Variants in CLSTN2 observed in about 807,000 individuals in gnomAD.
CLSTN2 encodes the protein calsyntenin 2, also known as calsyntenin-2.
CLSTN2 carries 48 observed loss-of-function variants against 101.2 expected under a neutral mutation model. The ratio of observed to expected loss-of-function variants is 0.47; its 90% CI spans 0.38 to 0.60. CLSTN2 has a LOEUF of 0.60. Among genes scored for constraint, CLSTN2 ranks in the 20% least tolerant of loss-of-function variants. CLSTN2 has a pLI of 0.00. For missense variants in CLSTN2, 1,160 were observed against 1,238.2 expected (o/e 0.94, Z 0.95); for synonymous variants, 481 against 463.6 (o/e 1.04, Z -0.48).
chr3:140,170,638 A>T (rs1220081832), intron 1 of CLSTN2, among the ~76,000 whole-genome samples: 1 of 152,224 alleles, frequency 6.6e-6, no homozygotes, highest in Non-Finnish European at 1.5e-5. Context: ...GCAGACCTGT[A>T]CATAGAAGGA....
rs1196745348 is a variant in CLSTN2, at chr3:140,490,279, G to A, written c.1344+23548G>A. On this transcript the variant is annotated intron_variant, in intron 8 of 16. Coordinates refer to ENST00000458420, the MANE Select transcript of CLSTN2 (RefSeq NM_022131.3). ...TCACCTCCAAGGATATGGGTGGAGG[G>A]CCTTTAAATCTCCTTATGAAGGAAG... is the stretch of plus-strand genomic sequence containing the variant. Among the ~76,000 whole-genome samples the A allele has an allele frequency of 6.0e-5, 9 of 150,224 alleles. No homozygotes were observed. The Admixed American group carries it at 6.0e-4, about 10-fold the overall frequency.
intron 1 of CLSTN2, among the ~76,000 whole-genome samples, chr3:140,040,340 G>C (rs915197082): frequency 6.6e-6 from 1 of 152,084 alleles, no homozygotes; most frequent in Non-Finnish European, 1.5e-5. Context: ...ACACTCCTGG[G>C]GTGCTAATGT....
At chr3:140,347,258 T>A (rs538342678) in intron 2 of CLSTN2, among the ~76,000 whole-genome samples, 1 of 152,228 alleles carries the variant, frequency 6.6e-6, no homozygotes, top group African/African-American at 2.4e-5. Context: ...GAACTTTTCC[T>A]TGTTAAACAA....
intron 1 of CLSTN2, among the ~76,000 whole-genome samples, chr3:139,943,040 T>C (rs1935159482): frequency 6.6e-6 from 1 of 152,118 alleles, no homozygotes; most frequent in African/African-American, 2.4e-5. Flanking sequence ...GCTCACTCAG[T>C]ATCTGTTTCC....
At chr3:140,399,303 C>A (rs2088216242) in intron 2 of CLSTN2, among the ~76,000 whole-genome samples, 1 of 152,182 alleles carries the variant, frequency 6.6e-6, no homozygotes, top group Non-Finnish European at 1.5e-5. Flanking sequence ...TAGTGACAAG[C>A]CTCACAAAAA....
chr3:140,435,735 T>C (rs1323071756), intron 5 of CLSTN2, among the ~76,000 whole-genome samples: 2 of 152,246 alleles, frequency 1.3e-5, no homozygotes, highest in Admixed American at 6.5e-5. Flanking sequence ...GCATTTGTTG[T>C]TGCCTGTCTT....
intron 2 of CLSTN2, among the ~76,000 whole-genome samples, chr3:140,210,021 A>C (rs1313733688): frequency 2.6e-5 from 4 of 152,202 alleles, no homozygotes; most frequent in African/African-American, 9.7e-5. Context: ...GTTGGACCAG[A>C]CAGAAGCTTC....
chr3:139,963,130 A>G (rs1057099188), intron 1 of CLSTN2, among the ~76,000 whole-genome samples: 1 of 152,030 alleles, frequency 6.6e-6, no homozygotes, highest in African/African-American at 2.4e-5. Flanking sequence ...CTTTCTTGCC[A>G]TACTCTTCTA....
chr3:140,408,213 A>G (rs2088325609), intron 4 of CLSTN2, among the ~76,000 whole-genome samples: 1 of 152,180 alleles, frequency 6.6e-6, no homozygotes, highest in Non-Finnish European at 1.5e-5. Context: ...CCTTAGCTCA[A>G]AAGTTACCCT....
At position 139,985,484 on chromosome 3, in the gene CLSTN2, G is replaced by A. The variant is rs191134571; in HGVS notation, c.109+50001G>A. On this transcript the variant is annotated intron_variant, in intron 1 of 16. Transcript: ENST00000458420. ...TGGTCCTTTGGGGTCTCTAGATTGC[G>A]TTTCCTAGCTGGGGTGTCTATGGGT... Among the ~76,000 whole-genome samples, 7 of 152,214 alleles carry A rather than the reference G, an allele frequency of 4.6e-5. No individual in the cohort carries two copies. In the South Asian group the frequency reaches 6.2e-4, roughly 14 times the overall value.
intron 2 of CLSTN2, among the ~76,000 whole-genome samples, chr3:140,180,491 T>A (rs1390997183): frequency 6.6e-6 from 1 of 152,154 alleles, no homozygotes; most frequent in Non-Finnish European, 1.5e-5. Flanking sequence ...AAGAAAATCC[T>A]TGAGTAATAA....
intron 2 of CLSTN2, among the ~76,000 whole-genome samples, chr3:140,216,479 A>G (rs1300324394): frequency 6.6e-6 from 1 of 152,106 alleles, no homozygotes; most frequent in Admixed American, 6.5e-5. Context: ...CTGCTTCTGG[A>G]GCAATGAGTG....
chr3:139,948,288 G>A (rs1935242922), intron 1 of CLSTN2, among the ~76,000 whole-genome samples: 1 of 152,042 alleles, frequency 6.6e-6, no homozygotes, highest in Non-Finnish European at 1.5e-5. Flanking sequence ...GAAAATGTGA[G>A]CAAAAGCATC....
chr3:140,084,749 G>T (rs894762007), intron 1 of CLSTN2, among the ~76,000 whole-genome samples: 1 of 5,904 alleles, frequency 1.7e-4, no homozygotes, highest in African/African-American at 1.9e-3. Flanking sequence ...AAGCCTAAAG[G>T]CATTCCAGCC....
intron 1 of CLSTN2, among the ~76,000 whole-genome samples, chr3:140,157,751 A>C (rs558384842): frequency 3.7e-4 from 57 of 152,238 alleles, no homozygotes; most frequent in Non-Finnish European, 2.8e-4. Flanking sequence ...GCTCTAATTT[A>C]GTTATTTATT....
At chr3:140,099,730 C>A (rs542907542) in intron 1 of CLSTN2, among the ~76,000 whole-genome samples, 1 of 152,320 alleles carries the variant, frequency 6.6e-6, no homozygotes, top group Non-Finnish European at 1.5e-5. Flanking sequence ...CAGAATTCCT[C>A]TCAGTGTAAT....
chr3:140,257,562 GTGTGTGTGT>G lies in CLSTN2; in HGVS notation c.232+81490_232+81498del, dbSNP rs2086614449. Among the ~76,000 whole-genome samples, 54 of 61,832 alleles carry G rather than the reference GTGTGTGTGT, an allele frequency of 8.7e-4. 1 individual carries two copies. Among genetic ancestry groups the G allele is most frequent in the African/African-American group, 1.7e-3 (52 of 29,916 alleles). 40.6% of individuals were successfully genotyped at this position (61,832 alleles called of 152,430 possible). On this transcript the variant is annotated intron_variant, in intron 2 of 16. Coordinates refer to ENST00000458420, the MANE Select transcript of CLSTN2 (RefSeq NM_022131.3). Reference sequence around the variant, plus strand: ...ATTCCCTGCCTATTTCTTTCTAGGGGTGTGTGTGTGTGTGTGTGTGTGTGTGTGTGTGTG... The same window carrying G: ...ATTCCCTGCCTATTTCTTTCTAGGGGGTGTGTGTGTGTGTGTGTGTGTGTG...
intron 1 of CLSTN2, among the ~76,000 whole-genome samples, chr3:140,152,674 G>A (rs1397735668): frequency 6.6e-6 from 1 of 152,186 alleles, no homozygotes; most frequent in African/African-American, 2.4e-5. Context: ...GTGGGTAGGA[G>A]CTGTTTTGGA....
At chr3:140,231,713 T>C (rs2086373426) in intron 2 of CLSTN2, among the ~76,000 whole-genome samples, 1 of 152,242 alleles carries the variant, frequency 6.6e-6, no homozygotes, top group Non-Finnish European at 1.5e-5. Flanking sequence ...GGCACTGGAC[T>C]CTAAGATCCA....
Sources: allele counts gnomAD v4.1 joint callset (sites outside exome capture counted in the v4.1 genomes callset), GRCh38; gene constraint gnomAD v4.1.1; transcripts MANE v1.5; gene names NCBI Gene and HGNC (gene_info 2026-07-23, HGNC 2026-07-21).